The following LTBP1 variants were observed in gnomAD, a reference collection of about 807,000 sequenced individuals.
LTBP1 encodes the protein latent-transforming growth factor beta-binding protein 1.
A neutral mutation model predicts 207.6 loss-of-function variants in LTBP1; 129 were observed. The observed-to-expected ratio is 0.62, with a 90% CI of 0.54 to 0.72. The LOEUF is 0.72. Ranked by LOEUF, LTBP1 falls within the 30% of genes least tolerant of loss-of-function variation. The pLI is 0.00. For synonymous variants in LTBP1, 963 were observed against 833.7 expected (o/e 1.16, Z -2.67); for missense variants, 2,281 against 2,217.2 (o/e 1.03, Z -0.58).
rs1338040573 is a variant in LTBP1 at position 32,947,524 on chromosome 2, C to A, written c.200C>A (p.Ala67Glu). Reference sequence around the variant, plus strand: ...AACGCCAGGTACAGCCGCAGCTCGGCGGCTGCCGGCGCCCCCAGCCGTGCC... The same window carrying A: ...AACGCCAGGTACAGCCGCAGCTCGGAGGCTGCCGGCGCCCCCAGCCGTGCC... ...ALNARYSRSS[A>E]AAGAPSRASP... is the part of the protein sequence containing the mutation. The change falls in exon 1 of 34, where the codon GCG (alanine) becomes GAG (glutamate). Residue 67 changes from alanine (A) to glutamate (E), a missense_variant. Physicochemically the swap from Ala to Glu is moderately radical, Grantham distance 107 (BLOSUM62 -1). This residue lies in a region of LTBP1 where 555 missense variants were observed against 491.0 expected (regional missense o/e 1.13). Transcript: ENST00000404816. The A allele has an allele frequency of 1.4e-6, 2 of 1,399,446 alleles. No homozygotes were observed. The highest frequency in any genetic ancestry group is 1.5e-5 in the South Asian group (1 of 67,400). The allele number at this position is 1,399,446 out of a possible 1,614,324, so 86.7% of individuals were successfully genotyped here.
At chr2:33,128,720 A>C (rs1341959023) in intron 4 of LTBP1, among the ~76,000 whole-genome samples, 4 of 152,180 alleles carry the variant, frequency 2.6e-5, no homozygotes, top group Non-Finnish European at 5.9e-5. Flanking sequence ...GGCTCCCATG[A>C]TTGTCAGGAT....
chr2:33,301,728 C>A, intron 22 of LTBP1, 84 bp downstream of exon 22: 1 of 1,245,832 alleles, frequency 8.0e-7, no homozygotes, highest in South Asian at 1.8e-5. Context: ...GATCTTTGAA[C>A]CTCATCTCTT....
At chr2:33,250,590 C>T (rs2092655130) in intron 10 of LTBP1, among the ~76,000 whole-genome samples, 1 of 152,162 alleles carries the variant, frequency 6.6e-6, no homozygotes, top group Non-Finnish European at 1.5e-5. Flanking sequence ...CAGTGATCCA[C>T]ATTCCCATGT....
intron 4 of LTBP1, among the ~76,000 whole-genome samples, chr2:33,113,869 T>C (rs1572692689): frequency 6.6e-6 from 1 of 152,330 alleles, no homozygotes; most frequent in East Asian, 1.9e-4. Flanking sequence ...GTTCCCACTC[T>C]CTTGGCTATT....
intron 19 of LTBP1, among the ~76,000 whole-genome samples, chr2:33,290,613 G>A (rs1258469459): frequency 6.6e-6 from 1 of 152,174 alleles, no homozygotes; most frequent in African/African-American, 2.4e-5. Context: ...GGGTGAGAAA[G>A]AATGAAAGTA....
chr2:33,124,270 C>T (rs762840701), intron 4 of LTBP1, among the ~76,000 whole-genome samples: 2 of 152,140 alleles, frequency 1.3e-5, no homozygotes, highest in Non-Finnish European at 2.9e-5. Flanking sequence ...ATTAGCCGGG[C>T]ATGGTGCTAC....
chr2:33,360,658 T>G lies in LTBP1; in HGVS notation c.4062T>G (p.Asn1354Lys). 1 of 1,613,722 alleles carries G rather than the reference T, an allele frequency of 6.2e-7. No individual in the cohort carries two copies. The highest frequency in any genetic ancestry group is 8.5e-7 in the Non-Finnish European group (1 of 1,179,596). The change falls in exon 27 of 34, where the codon AAT (asparagine) becomes AAG (lysine). Residue 1354 changes from asparagine (N) to lysine (K), a missense_variant. Physicochemically the swap from Asn to Lys is moderately conservative, Grantham distance 94. Around this residue, in one of 3 missense-constraint regions of LTBP1, gnomAD observed 1,671 missense variants for 1,634.8 expected, o/e 1.02. Transcript: ENST00000404816. ...AGAAAGAATGCTACTATAATCTCAA[T>G]GACGCCAGTCTCTGTGATAATGTGT... Reference protein sequence around the residue: ...EEKKECYYNLNDASLCDNVLA... With the variant: ...EEKKECYYNLKDASLCDNVLA...
chr2:33,157,559 G>T (rs1021535401), intron 5 of LTBP1, among the ~76,000 whole-genome samples: 9 of 152,172 alleles, frequency 5.9e-5, no homozygotes, highest in African/African-American at 2.2e-4. Context: ...GTCATAGTTG[G>T]TGGCAACGCT....
chr2:33,319,361 G>A (rs554287449), intron 24 of LTBP1, among the ~76,000 whole-genome samples: 5 of 151,624 alleles, frequency 3.3e-5, no homozygotes, highest in African/African-American at 1.2e-4. Context: ...TTGCGCCATT[G>A]CACTCCAGCC....
At chr2:33,022,149 T>C (rs532665876) in intron 3 of LTBP1, among the ~76,000 whole-genome samples, 3 of 152,272 alleles carry the variant, frequency 2.0e-5, no homozygotes, top group East Asian at 1.9e-4. Flanking sequence ...ACAGAAGTTA[T>C]TCAGTCTGTT....
chr2:33,055,062 C>G lies in LTBP1; in HGVS notation c.863+33856C>G, dbSNP rs181276959. ...CTCTGAACCACCAAGGTTTGTTTGT[C>G]TGAGGGCCATGACTAAGGCTGCAGC... On this transcript the variant is annotated intron_variant, in intron 3 of 33. Transcript: ENST00000404816. Among the ~76,000 whole-genome samples, 575 of 152,274 alleles carry G rather than the reference C, an allele frequency of 3.8e-3. 4 individuals are homozygous for G. The highest frequency in any genetic ancestry group is 0.013 in the African/African-American group (553 of 41,560).
intron 7 of LTBP1, among the ~76,000 whole-genome samples, chr2:33,203,630 T>TTTTTTCA (rs1402009443): frequency 1.3e-5 from 2 of 152,162 alleles, no homozygotes; most frequent in African/African-American, 4.8e-5. Flanking sequence ...CTCTCAGATT[T>TTTTTTCA]TTTTTCATTT....
At chr2:33,319,546 C>A (rs545679259) in intron 24 of LTBP1, among the ~76,000 whole-genome samples, 3 of 152,172 alleles carry the variant, frequency 2.0e-5, no homozygotes, top group Admixed American at 2.0e-4. Flanking sequence ...TCCCCATGGC[C>A]CATGGGGAAA....
chr2:33,141,729 T>C (rs1289368515), intron 5 of LTBP1, among the ~76,000 whole-genome samples: 1 of 152,180 alleles, frequency 6.6e-6, no homozygotes, highest in African/African-American at 2.4e-5. Context: ...ATCGCTTACA[T>C]TGTCATCAGA....
intron 22 of LTBP1, 43 bp from the exon 23 acceptor site, chr2:33,309,391 T>C: frequency 7.0e-7 from 1 of 1,428,826 alleles, no homozygotes; most frequent in East Asian, 2.4e-5. Flanking sequence ...TTTTCCGATA[T>C]GTGATTTATT....
At chr2:33,104,941 T>G (rs935202759) in intron 3 of LTBP1, among the ~76,000 whole-genome samples, 13 of 152,188 alleles carry the variant, frequency 8.5e-5, no homozygotes, top group African/African-American at 1.2e-4. Context: ...CCAGTGGGCT[T>G]GAAACCTTCA....
At chr2:33,019,493 C>G (rs183344390) in intron 2 of LTBP1, among the ~76,000 whole-genome samples, 1 of 151,406 alleles carries the variant, frequency 6.6e-6, no homozygotes, top group African/African-American at 2.4e-5. Context: ...TGCCACCACA[C>G]TCGGCTAGTT....
chr2:33,076,260 G>A (rs1463580185), intron 3 of LTBP1, among the ~76,000 whole-genome samples: 1 of 152,152 alleles, frequency 6.6e-6, no homozygotes, highest in Admixed American at 6.5e-5. Flanking sequence ...AGAAGGTAGG[G>A]TATGGCAATG....
chr2:33,157,648 T>C (rs1049428575), intron 5 of LTBP1, among the ~76,000 whole-genome samples: 22 of 152,188 alleles, frequency 1.4e-4, no homozygotes, highest in African/African-American at 5.3e-4. Flanking sequence ...ATCCAGAACA[T>C]TTTAAAATTG....
Sources: gnomAD v4.1 joint callset for allele counts (sites outside exome capture counted in the v4.1 genomes callset) on GRCh38, gnomAD v4.1.1 for gene constraint, gnomAD v4.1.1 regional missense constraint, MANE v1.5 for transcripts, NCBI Gene and HGNC (gene_info 2026-07-23, HGNC 2026-07-21) for gene names.